Variants in TMEM163 observed in about 807,000 individuals in gnomAD.
TMEM163 encodes transmembrane protein 163.
A neutral mutation model predicts 29.3 loss-of-function variants in TMEM163; 17 were observed. The observed-to-expected ratio is 0.58, with a 90% confidence interval of 0.40 to 0.87. The LOEUF (loss-of-function observed/expected upper bound fraction) is 0.87. Ranked by LOEUF, TMEM163 falls within the 40% of genes least tolerant of loss-of-function variation. The probability of loss-of-function intolerance (pLI) is 0.00; values close to 1 mark genes in which losing one functional copy is unlikely to be tolerated. For missense variants in TMEM163, 303 were observed against 381.5 expected, an observed-to-expected ratio of 0.79 and a Z score of 1.71; for synonymous variants, 157 against 160.6, an observed-to-expected ratio of 0.98 and a Z score of 0.17.
At chr2:134,653,761 G>C (rs1381105107) in intron 2 of TMEM163, among the ~76,000 whole-genome samples, 3 of 104,238 alleles carry the variant, frequency 2.9e-5, no homozygotes, top group South Asian at 2.9e-4. Flanking sequence ...TGTTCTCGTT[G>C]GTTTCAAAGA....
chr2:134,596,970 T>C (rs1682100135), intron 2 of TMEM163, among the ~76,000 whole-genome samples: 1 of 152,246 alleles, frequency 6.6e-6, no homozygotes, highest in African/African-American at 2.4e-5. Context: ...TTTTGTATCC[T>C]GAGACTTTGC....
chr2:134,689,272 C>T (rs183003019), intron 2 of TMEM163, among the ~76,000 whole-genome samples: 158 of 152,018 alleles, frequency 1.0e-3, no homozygotes, highest in African/African-American at 3.4e-3. Flanking sequence ...CCACGCCTGG[C>T]TAAGTTTGTA....
At chr2:134,626,094 CTTTTTTTTTTTTTT>C (rs146008537) in intron 2 of TMEM163, among the ~76,000 whole-genome samples, 4 of 66,262 alleles carry the variant, frequency 6.0e-5, no homozygotes, top group African/African-American at 1.1e-4. Flanking sequence ...ACTTTTCCAG[CTTTTTTTTTTTTTT>C]TTTTTTTTTT....
intron 1 of TMEM163, 142 bp downstream of exon 1, chr2:134,718,592 G>A (rs1307758033): frequency 1.7e-5 from 9 of 532,420 alleles, no homozygotes; most frequent in Non-Finnish European, 2.3e-5. Context: ...CTCGGCTAGC[G>A]GCGTTCTCGC....
At chr2:134,564,809 T>G (rs1214237255) in intron 2 of TMEM163, among the ~76,000 whole-genome samples, 4 of 152,122 alleles carry the variant, frequency 2.6e-5, no homozygotes, top group African/African-American at 9.7e-5. Flanking sequence ...CACTACATAC[T>G]CAAAGTGTGA....
chr2:134,477,032 T>G (rs765851330), intron 5 of TMEM163, among the ~76,000 whole-genome samples: 2 of 152,220 alleles, frequency 1.3e-5, no homozygotes, highest in Non-Finnish European at 2.9e-5. Flanking sequence ...CACTGAAGAC[T>G]GCACACCACA....
intron 5 of TMEM163, among the ~76,000 whole-genome samples, chr2:134,483,942 G>A (rs891250941): frequency 3.3e-5 from 5 of 152,058 alleles, no homozygotes; most frequent in South Asian, 2.1e-4. Context: ...TCAGGAGTTC[G>A]AGACCAGCCT....
At chr2:134,570,562 T>A (rs555834588) in intron 2 of TMEM163, among the ~76,000 whole-genome samples, 2 of 150,998 alleles carry the variant, frequency 1.3e-5, no homozygotes, top group African/African-American at 5.0e-5. Flanking sequence ...TCCTTACTTC[T>A]AATAAAAGAA....
intron 5 of TMEM163, among the ~76,000 whole-genome samples, chr2:134,492,595 T>C (rs1211712485): frequency 1.3e-5 from 2 of 152,190 alleles, no homozygotes; most frequent in African/African-American, 4.8e-5. Context: ...AACAGAGTCA[T>C]ATAGTATTAA....
At chr2:134,489,035 A>G (rs1679373135) in intron 5 of TMEM163, among the ~76,000 whole-genome samples, 1 of 152,194 alleles carries the variant, frequency 6.6e-6, no homozygotes, top group Non-Finnish European at 1.5e-5. Context: ...GGGAAGATCT[A>G]TAAAATGAAA....
intron 2 of TMEM163, among the ~76,000 whole-genome samples, chr2:134,662,268 C>T (rs1176256234): frequency 6.6e-6 from 1 of 152,136 alleles, no homozygotes; most frequent in Admixed American, 6.5e-5. Flanking sequence ...CAATTGCCAC[C>T]CTTGGAAACA....
At chr2:134,585,476 G>T (rs1244180414) in intron 2 of TMEM163, among the ~76,000 whole-genome samples, 2 of 152,190 alleles carry the variant, frequency 1.3e-5, no homozygotes, top group African/African-American at 4.8e-5. Context: ...GAGTGGGGTG[G>T]CTCACGCCTG....
At chr2:134,598,715 G>T (rs1818613) in intron 2 of TMEM163, among the ~76,000 whole-genome samples, 94,266 of 151,706 alleles carry the variant, frequency 0.62, 30,424 homozygotes, top group African/African-American at 0.73. Context: ...TCAGGAGTTC[G>T]AGACCAGCCT....
At chr2:134,461,687 A>G (rs1007228380) in intron 6 of TMEM163, among the ~76,000 whole-genome samples, 2 of 152,276 alleles carry the variant, frequency 1.3e-5, no homozygotes, top group East Asian at 1.9e-4. Flanking sequence ...TCCATCGGCC[A>G]CACCCTGCTG....
intron 2 of TMEM163, among the ~76,000 whole-genome samples, chr2:134,668,607 A>AT (rs1683921097): frequency 6.6e-6 from 1 of 151,724 alleles, no homozygotes; most frequent in African/African-American, 2.4e-5. Flanking sequence ...GCTGGGTGAC[A>AT]AGAGGGAAAC....
intron 2 of TMEM163, among the ~76,000 whole-genome samples, chr2:134,570,267 T>C (rs1681389840): frequency 6.6e-6 from 1 of 152,160 alleles, no homozygotes; most frequent in Non-Finnish European, 1.5e-5. Context: ...AGGTTTGTTG[T>C]TGCATCTCAA....
chr2:134,571,179 A>T (rs995270448), intron 2 of TMEM163, among the ~76,000 whole-genome samples: 1 of 152,166 alleles, frequency 6.6e-6, no homozygotes, highest in Non-Finnish European at 1.5e-5. Flanking sequence ...TAAGAATCCA[A>T]TTATATCTAA....
At chr2:134,570,490 A>G in intron 2 of TMEM163, among the ~76,000 whole-genome samples, 1 of 130,976 alleles carries the variant, frequency 7.6e-6, no homozygotes, top group South Asian at 2.1e-4. Flanking sequence ...ACATATACAT[A>G]TACATATACA....
rs540030996 is a variant in TMEM163 at position 134,648,685 on chromosome 2, C to T, written c.322+64515G>A. Among the ~76,000 whole-genome samples, 5 of 152,330 alleles carry T rather than the reference C, an allele frequency of 3.3e-5. No individual in the cohort carries two copies. In the South Asian group the frequency reaches 1.0e-3, roughly 32 times the overall value. Reference sequence around the variant, plus strand: ...ACAAAGATGTGAAAGGAAGCGATAACTCCACACAGACTGATAACTCATCAA... The same window carrying T: ...ACAAAGATGTGAAAGGAAGCGATAATTCCACACAGACTGATAACTCATCAA... On this transcript the variant is annotated intron_variant, in intron 2 of 7. Coordinates refer to ENST00000281924, the MANE Select transcript of TMEM163 (RefSeq NM_030923.5).
Sources: allele counts gnomAD v4.1 joint callset (sites outside exome capture counted in the v4.1 genomes callset), GRCh38; gene constraint gnomAD v4.1.1; transcripts MANE v1.5; gene names NCBI Gene and HGNC (gene_info 2026-07-23, HGNC 2026-07-21).